Variants in ATG7 observed in about 807,000 individuals in gnomAD.
ATG7 encodes the protein autophagy related 7.
Under a neutral mutation model 82.4 loss-of-function variants are expected in ATG7, and 70 were observed. The observed-to-expected ratio is 0.85, with a 90% confidence interval of 0.70 to 1.04. The LOEUF is 1.04. Ranked by LOEUF, ATG7 falls within the 50% of genes least tolerant of loss-of-function variation. ATG7 has a pLI of 0.00. For synonymous variants in ATG7, 287 were observed against 313.0 expected (o/e 0.92, Z 0.88); for missense variants, 792 against 864.3 (o/e 0.92, Z 1.05).
intron 3 of ATG7, among the ~76,000 whole-genome samples, chr3:11,295,191 T>C (rs1432050564): frequency 6.6e-6 from 1 of 152,216 alleles, no homozygotes; most frequent in Admixed American, 6.5e-5. Flanking sequence ...GGGGATGTGA[T>C]GCTGCAAGCC....
intron 20 of ATG7, among the ~76,000 whole-genome samples, chr3:11,536,133 AGGG>A (rs1302010943): frequency 6.6e-6 from 1 of 152,142 alleles, no homozygotes; most frequent in Non-Finnish European, 1.5e-5. Flanking sequence ...CTGGTCTGTG[AGGG>A]GGAGGAATTA....
At chr3:11,423,387 G>A (rs1399704543) in intron 19 of ATG7, among the ~76,000 whole-genome samples, 1 of 152,214 alleles carries the variant, frequency 6.6e-6, no homozygotes, top group East Asian at 1.9e-4. Flanking sequence ...TTACCAAAAT[G>A]TGACAGAGAC....
At chr3:11,496,761 T>A (rs1311700200) in intron 20 of ATG7, among the ~76,000 whole-genome samples, 1 of 152,208 alleles carries the variant, frequency 6.6e-6, no homozygotes, top group Admixed American at 6.6e-5. Flanking sequence ...TATCATACTT[T>A]CTGAAGCTGG....
At chr3:11,438,063 G>A (rs530167573) in intron 20 of ATG7, among the ~76,000 whole-genome samples, 13 of 152,288 alleles carry the variant, frequency 8.5e-5, no homozygotes, top group Admixed American at 2.0e-4. Flanking sequence ...ATCCACTTAA[G>A]CATATCTTTT....
intron 9 of ATG7, among the ~76,000 whole-genome samples, chr3:11,330,300 T>C (rs554000448): frequency 6.6e-5 from 10 of 152,342 alleles, no homozygotes; most frequent in African/African-American, 2.2e-4. Flanking sequence ...CTTATATAGT[T>C]TGGAAATTTT....
chr3:11,476,760 A>T (rs751000905), intron 20 of ATG7, among the ~76,000 whole-genome samples: 1 of 152,234 alleles, frequency 6.6e-6, no homozygotes, highest in Non-Finnish European at 1.5e-5. Context: ...AATGGTTACA[A>T]ACACTTACTT....
rs997875603 is a variant in ATG7, at chr3:11,354,420, C to T, written c.1285-3998C>T. On this transcript the variant is annotated intron_variant, in intron 14 of 20. Coordinates refer to ENST00000693202, the MANE Select transcript of ATG7 (RefSeq NM_001349232.2). ...ATCCCAGTGCTTTGGGAGGCTGAGG[C>T]GGGTGGATCACGAAGTCAAGAGATT... Among the ~76,000 whole-genome samples the T allele has an allele frequency of 3.3e-5, 5 of 152,120 alleles. No individual in the cohort carries two copies. The South Asian group carries it at 6.2e-4, about 19-fold the overall frequency.
intron 20 of ATG7, among the ~76,000 whole-genome samples, chr3:11,486,134 G>A (rs200705180): frequency 1.5e-3 from 233 of 152,298 alleles, no homozygotes; most frequent in Admixed American, 3.2e-3. Context: ...ACCTTGGGCA[G>A]TATGGCCATT....
chr3:11,548,146 T>C (rs1368798153), intron 20 of ATG7, among the ~76,000 whole-genome samples: 2 of 152,220 alleles, frequency 1.3e-5, no homozygotes, highest in Non-Finnish European at 2.9e-5. Flanking sequence ...GCTTGGACTT[T>C]TGCCACATTT....
At chr3:11,575,479 A>T in the ATG7 span, among the ~76,000 whole-genome samples, 1 of 152,114 alleles carries the variant, frequency 6.6e-6, no homozygotes, top group Non-Finnish European at 1.5e-5. Flanking sequence ...TTGAGACTGG[A>T]AGGAGCTCCG....
chr3:11,387,228 C>T (rs1326851600), intron 19 of ATG7, among the ~76,000 whole-genome samples: 1 of 152,198 alleles, frequency 6.6e-6, no homozygotes, highest in African/African-American at 2.4e-5. Context: ...CCAAGGCTGC[C>T]CTGGCTTTGA....
chr3:11,560,227 G>GT (rs2072859508), downstream of ATG7, among the ~76,000 whole-genome samples: 1 of 152,160 alleles, frequency 6.6e-6, no homozygotes, highest in Non-Finnish European at 1.5e-5. Context: ...AGGTGCTCCC[G>GT]TAAGACCATG....
At chr3:11,498,222 C>T (rs1000591648) in intron 20 of ATG7, among the ~76,000 whole-genome samples, 2 of 152,298 alleles carry the variant, frequency 1.3e-5, no homozygotes, top group Middle Eastern at 3.4e-3. Flanking sequence ...AGTCTCCAAA[C>T]AGAATTTCCA....
intron 5 of ATG7, among the ~76,000 whole-genome samples, 175 bp from the exon 6 acceptor site, chr3:11,306,768 C>T (rs1231948909): frequency 6.6e-6 from 1 of 152,120 alleles, no homozygotes; most frequent in African/African-American, 2.4e-5. Context: ...GGAATGGTGC[C>T]TGTTTTTTAG....
intron 20 of ATG7, among the ~76,000 whole-genome samples, chr3:11,459,040 A>T (rs2086042310): frequency 6.6e-6 from 1 of 152,078 alleles, no homozygotes; most frequent in East Asian, 1.9e-4. Flanking sequence ...CTATGGAAAA[A>T]TTGTCTTCCT....
intron 20 of ATG7, among the ~76,000 whole-genome samples, chr3:11,553,998 C>T (rs1006473975): frequency 2.6e-5 from 4 of 152,136 alleles, no homozygotes; most frequent in African/African-American, 9.7e-5. Context: ...CCAGGGAGCC[C>T]TGGGTGCCAG....
Position 11,540,910 on chromosome 3 carries a change from G to C in ATG7, c.2080-13901G>C, listed in dbSNP as rs866420689. Among the ~76,000 whole-genome samples, 774 of 122,854 alleles carry C rather than the reference G, an allele frequency of 6.3e-3. 8 individuals carry two copies. Among genetic ancestry groups the C allele is most frequent in the Non-Finnish European group, 0.011 (600 of 54,138 alleles). The allele number at this position is 122,854 out of a possible 152,430, so 80.6% of individuals were successfully genotyped here. On this transcript the variant is annotated intron_variant, in intron 20 of 20. Coordinates refer to ENST00000693202, the MANE Select transcript of ATG7 (RefSeq NM_001349232.2). ...AATTTATAGTTTTAGCTTTTTTTGG[G>C]GGGGGGAGGGGGGGAGTCTTGCTCT...
At chr3:11,363,202 C>T in intron 17 of ATG7, 1 of 339,536 alleles carries the variant, frequency 2.9e-6, no homozygotes, top group Non-Finnish European at 5.6e-6. Flanking sequence ...TTGTGCTAGG[C>T]ACTGTTCTAA....
intron 19 of ATG7, among the ~76,000 whole-genome samples, chr3:11,399,254 A>G (rs2079584578): frequency 6.6e-6 from 1 of 152,204 alleles, no homozygotes; most frequent in Non-Finnish European, 1.5e-5. Flanking sequence ...AGGCTGAGGC[A>G]GGAGAATCGC....
Sources: gnomAD v4.1 joint callset for allele counts (sites outside exome capture counted in the v4.1 genomes callset) on GRCh38, gnomAD v4.1.1 for gene constraint, MANE v1.5 for transcripts, NCBI Gene and HGNC (gene_info 2026-07-23, HGNC 2026-07-21) for gene names.